Variants in MTOR observed in about 807,000 individuals in gnomAD.
MTOR encodes the protein serine/threonine-protein kinase mTOR.
In MTOR, 70 loss-of-function variants were observed where a neutral mutation model predicts 319.8. The observed-to-expected ratio is 0.22, with a 90% CI of 0.18 to 0.27. The LOEUF (loss-of-function observed/expected upper bound fraction) is 0.27, where lower values mean the gene tolerates loss of function less well. MTOR is among the 10% of genes least tolerant of loss of function. The pLI, the probability that MTOR is intolerant of heterozygous loss-of-function variation, is 1.00. For missense variants in MTOR, 1,890 were observed against 3,274.4 expected (o/e 0.58, Z 10.32); for synonymous variants, 1,183 against 1,211.4 (o/e 0.98, Z 0.49).
intron 28 of MTOR, among the ~76,000 whole-genome samples, chr1:11,187,687 AC>A (rs1222987895): frequency 1.3e-5 from 2 of 152,222 alleles, no homozygotes; most frequent in Admixed American, 6.5e-5. Context: ...CAGGAGATCC[AC>A]TTGAAAATCC....
chr1:11,194,905 A>ATTGTGCTCT, intron 28 of MTOR: 2 of 1,614,120 alleles, frequency 1.2e-6, no homozygotes, highest in Non-Finnish European at 1.7e-6. Context: ...GGAGTGTACT[A>ATTGTGCTCT]CCGCCTGGGT....
chr1:11,163,005 T>C (rs1225741860), intron 29 of MTOR, among the ~76,000 whole-genome samples: 1 of 151,834 alleles, frequency 6.6e-6, no homozygotes, highest in Non-Finnish European at 1.5e-5. Context: ...GGATAAAGAG[T>C]CAAGACCCAT....
chr1:11,188,937 T>A (rs2100696628), intron 28 of MTOR, among the ~76,000 whole-genome samples: 1 of 152,354 alleles, frequency 6.6e-6, no homozygotes, highest in East Asian at 1.9e-4. Flanking sequence ...GATCCTCATA[T>A]AAACAGCATG....
At chr1:11,213,638 A>G (rs560337697) in intron 20 of MTOR, 72 bp from the exon 21 acceptor site, 2 of 1,501,118 alleles carry the variant, frequency 1.3e-6, no homozygotes, top group Admixed American at 1.9e-5. Context: ...AGGAATCAAG[A>G]TGGCCAGAAA....
chr1:11,242,215 T>C (rs1648140572), intron 9 of MTOR, among the ~76,000 whole-genome samples: 1 of 149,988 alleles, frequency 6.7e-6, no homozygotes, highest in South Asian at 2.1e-4. Flanking sequence ...AATACAAAAA[T>C]TAGCTGGGCG....
intron 28 of MTOR, among the ~76,000 whole-genome samples, chr1:11,169,124 TTATAAA>T (rs1644733916): frequency 6.6e-6 from 1 of 152,222 alleles, no homozygotes; most frequent in African/African-American, 2.4e-5. Flanking sequence ...GAAATTGCTG[TTATAAA>T]TATTATTTTT....
chr1:11,153,482 A>G (rs1303155195), intron 30 of MTOR, among the ~76,000 whole-genome samples: 2 of 152,250 alleles, frequency 1.3e-5, no homozygotes, highest in African/African-American at 4.8e-5. Context: ...GGAATTGATT[A>G]GAGTTGAATT....
rs1348988509 is a variant in MTOR at position 11,238,405 on chromosome 1, G to T, written c.1999C>A (p.Pro667Thr). ...SKLLVVGITD[P>T]DPDIRYCVLA... ...CCTTCTGTCTGGCAAGCCTTACCAG[G>T]ATCTGTTATCCCAACTACGAGCAGT... The change falls in exon 12 of 58, where the codon CCT (proline) becomes ACT (threonine). Residue 667 changes from proline (P) to threonine (T), a missense_variant. By Grantham distance (38) the Pro-to-Thr change is conservative. Coordinates refer to ENST00000361445, the MANE Select transcript of MTOR (RefSeq NM_004958.4). The T allele has an allele frequency of 6.2e-7, 1 of 1,613,722 alleles. No individual in the cohort carries two copies. The highest frequency in any genetic ancestry group is 8.5e-7 in the Non-Finnish European group (1 of 1,180,008).
chr1:11,237,700 G>C, intron 13 of MTOR, 143 bp downstream of exon 13: 1 of 811,208 alleles, frequency 1.2e-6, no homozygotes, highest in Non-Finnish European at 2.0e-6. Flanking sequence ...GGAAACATTT[G>C]GACCTTTGCA....
intron 8 of MTOR, 98 bp downstream of exon 8, chr1:11,247,527 G>A: frequency 1.0e-6 from 1 of 984,060 alleles, no homozygotes; most frequent in Non-Finnish European, 1.6e-6. Flanking sequence ...GAGATTTGTT[G>A]GCGTTGCTTC....
intron 28 of MTOR, among the ~76,000 whole-genome samples, chr1:11,184,592 G>C (rs570279584): frequency 6.6e-6 from 1 of 152,074 alleles, no homozygotes; most frequent in Non-Finnish European, 1.5e-5. Flanking sequence ...ACAGGCAGGC[G>C]TGTTGGTGTG....
intron 11 of MTOR, among the ~76,000 whole-genome samples, chr1:11,238,855 C>G (rs1484144048): frequency 1.3e-5 from 2 of 151,840 alleles, no homozygotes; most frequent in African/African-American, 2.4e-5. Context: ...CTCCGCCTCC[C>G]GGGTTCACAC....
At chr1:11,211,700 T>C (rs1300510013) in intron 23 of MTOR, among the ~76,000 whole-genome samples, 1 of 152,190 alleles carries the variant, frequency 6.6e-6, no homozygotes, top group African/African-American at 2.4e-5. Context: ...TTCTCAGGTA[T>C]GTAGACACTG....
chr1:11,229,556 C>T (rs750159132), intron 18 of MTOR, among the ~76,000 whole-genome samples: 11 of 152,144 alleles, frequency 7.2e-5, no homozygotes, highest in Non-Finnish European at 1.2e-4. Flanking sequence ...AGCTATGGGG[C>T]TGACAGAATG....
chr1:11,156,686 T>C (rs1644328598), intron 30 of MTOR, among the ~76,000 whole-genome samples: 1 of 152,080 alleles, frequency 6.6e-6, no homozygotes, highest in African/African-American at 2.4e-5. Context: ...GAAAGGCCTG[T>C]TTTCTTGTGT....
At chr1:11,187,209 T>C (rs1645348157) in intron 28 of MTOR, among the ~76,000 whole-genome samples, 1 of 151,454 alleles carries the variant, frequency 6.6e-6, no homozygotes, top group Admixed American at 6.6e-5. Context: ...GCTGCACTGT[T>C]ACATGAGAGT....
At chr1:11,235,980 CA>C (rs879884938) in intron 13 of MTOR, among the ~76,000 whole-genome samples, 267 of 134,544 alleles carry the variant, frequency 2.0e-3, no homozygotes, top group African/African-American at 3.0e-3. Context: ...GACTGTGTCT[CA>C]AAAAAAAAAA....
chr1:11,255,043 C>T (rs1026877231), intron 5 of MTOR, among the ~76,000 whole-genome samples: 2 of 152,054 alleles, frequency 1.3e-5, no homozygotes, highest in Admixed American at 6.5e-5. Context: ...GGATTACAGG[C>T]GTGAGCATCC....
chr1:11,171,399 G>T (rs553375959), intron 28 of MTOR, among the ~76,000 whole-genome samples: 6 of 151,512 alleles, frequency 4.0e-5, no homozygotes, highest in Admixed American at 3.9e-4. Context: ...CTCTGGCCTC[G>T]GCCTCCCAAA....
Sources: allele counts gnomAD v4.1 joint callset (sites outside exome capture counted in the v4.1 genomes callset), GRCh38; gene constraint gnomAD v4.1.1; transcripts MANE v1.5; gene names NCBI Gene and HGNC (gene_info 2026-07-23, HGNC 2026-07-21).